The following PTK2B variants were observed in gnomAD, a reference collection of about 807,000 sequenced individuals.
PTK2B encodes the protein protein tyrosine kinase 2 beta.
Under a neutral mutation model 142.9 loss-of-function variants are expected in PTK2B, and 71 were observed. That is an observed-to-expected ratio of 0.50 (90% CI 0.41 to 0.61). The LOEUF (loss-of-function observed/expected upper bound fraction) is 0.61, where lower values mean the gene tolerates loss of function less well. Among genes scored for constraint, PTK2B ranks in the 20% least tolerant of loss-of-function variants. The probability of loss-of-function intolerance (pLI) is 0.00; values close to 1 mark genes in which losing one functional copy is unlikely to be tolerated. For synonymous variants in PTK2B, 519 were observed against 503.4 expected (o/e 1.03, Z -0.42); for missense variants, 1,105 against 1,320.4 (o/e 0.84, Z 2.53).
upstream of PTK2B, among the ~76,000 whole-genome samples, chr8:27,321,077 C>G (rs1018247369): frequency 1.4e-5 from 2 of 139,594 alleles, no homozygotes; most frequent in African/African-American, 5.4e-5. Flanking sequence ...TCATTGCATC[C>G]TCAGTCTCCT....
intron 10 of PTK2B, among the ~76,000 whole-genome samples, chr8:27,433,137 T>C (rs1810545055): frequency 6.6e-6 from 1 of 152,202 alleles, no homozygotes; most frequent in African/African-American, 2.4e-5. Flanking sequence ...CCCTCTTCCA[T>C]TTTCTCAGTT....
rs765628061 is a variant in PTK2B at position 27,435,732 on chromosome 8, T to G, written c.1193-11T>G. On this transcript the variant is annotated splice_polypyrimidine_tract_variant and intron_variant, in intron 13 of 30. Transcript: ENST00000346049. ...TCTTGTCCACGGCTGAGCCTCTTCCTGTTGTTCCAGAGTCAGACATCTACG... is the reference window on the plus strand; with the variant it reads ...TCTTGTCCACGGCTGAGCCTCTTCCGGTTGTTCCAGAGTCAGACATCTACG... The G allele has an allele frequency of 3.9e-5, 63 of 1,613,988 alleles. No homozygotes were observed. Among genetic ancestry groups the G allele is most frequent in the Middle Eastern group, 1.6e-4 (1 of 6,084 alleles).
chr8:27,350,990 A>AATAT lies in PTK2B; in HGVS notation c.-38+25357_-38+25360dup, dbSNP rs1161548916. Among the ~76,000 whole-genome samples, 63 of 12,032 alleles carry AATAT rather than the reference A, an allele frequency of 5.2e-3. 1 individual carries two copies. The highest frequency in any genetic ancestry group is 7.6e-3 in the Non-Finnish European group (48 of 6,334). The allele number at this position is 12,032 out of a possible 152,430, so 7.9% of individuals were successfully genotyped here. A position where few individuals can be genotyped will look rare whatever the true frequency, so the allele number is the denominator to read the frequency against. On this transcript the variant is annotated intron_variant, in intron 1 of 30. Coordinates refer to ENST00000346049, the MANE Select transcript of PTK2B (RefSeq NM_173176.3). ...GTCTCCGTCTCAAAAAAAAAAAAAA[A>AATAT]ATATATATATATATATATATATATA...
intron 8 of PTK2B, 94 bp from the exon 9 acceptor site, chr8:27,431,304 G>A: frequency 6.3e-7 from 1 of 1,591,676 alleles, no homozygotes; most frequent in Non-Finnish European, 8.6e-7. Flanking sequence ...CCAGGAAACA[G>A]TGGCTTGTGT....
intron 5 of PTK2B, among the ~76,000 whole-genome samples, chr8:27,425,553 C>T (rs557159605): frequency 6.6e-6 from 1 of 152,134 alleles, no homozygotes; most frequent in Non-Finnish European, 1.5e-5. Context: ...CCCCCACTAT[C>T]AACATTCTCC....
Position 27,357,945 on chromosome 8 carries a change from G to A in PTK2B, c.-38+32264G>A, listed in dbSNP as rs1805479512. On this transcript the variant is annotated intron_variant, in intron 1 of 30. Transcript: ENST00000346049. ...TCCCCAGTCATGTGACCTCTGAAAAGTCACTTAATATCTTTGAAGCTCGGT... is the reference window on the plus strand; with the variant it reads ...TCCCCAGTCATGTGACCTCTGAAAAATCACTTAATATCTTTGAAGCTCGGT... Among the ~76,000 whole-genome samples the A allele has an allele frequency of 1.3e-5, 2 of 152,198 alleles. 1 individual carries two copies. The highest frequency in any genetic ancestry group is 1.3e-4 in the Admixed American group (2 of 15,272).
intron 24 of PTK2B, among the ~76,000 whole-genome samples, chr8:27,448,244 A>G (rs1291372565): frequency 6.6e-6 from 1 of 152,270 alleles, no homozygotes; most frequent in Non-Finnish European, 1.5e-5. Context: ...CAGGAAGGGT[A>G]CTTGTGGATG....
chr8:27,335,581 G>A (rs1406413492), intron 1 of PTK2B, among the ~76,000 whole-genome samples: 2 of 136,668 alleles, frequency 1.5e-5, no homozygotes, highest in Non-Finnish European at 3.1e-5. Flanking sequence ...GGGCAAAAGA[G>A]CAAAACACTG....
chr8:27,436,098 T>G (rs1810760038), intron 14 of PTK2B, among the ~76,000 whole-genome samples, 153 bp from the exon 15 acceptor site: 1 of 152,102 alleles, frequency 6.6e-6, no homozygotes, highest in Non-Finnish European at 1.5e-5. Flanking sequence ...CAGTGGAACA[T>G]TCTAGACCCC....
At chr8:27,368,855 G>C (rs573379274) in intron 1 of PTK2B, among the ~76,000 whole-genome samples, 2 of 152,246 alleles carry the variant, frequency 1.3e-5, no homozygotes, top group South Asian at 2.1e-4. Flanking sequence ...GGGCCCCGGA[G>C]ACCCTGGAAA....
chr8:27,387,621 G>T (rs1586212649), intron 1 of PTK2B, among the ~76,000 whole-genome samples: 1 of 152,174 alleles, frequency 6.6e-6, no homozygotes, highest in South Asian at 2.1e-4. Flanking sequence ...TCACTGCTGA[G>T]GTGGGATCGT....
At chr8:27,438,885 C>T (rs1810970248) in intron 18 of PTK2B, 146 bp from the exon 19 acceptor site, 1 of 728,268 alleles carries the variant, frequency 1.4e-6, no homozygotes, top group Admixed American at 2.4e-5. Flanking sequence ...GGGCAGTGAC[C>T]CACAGAAGCT....
intron 1 of PTK2B, among the ~76,000 whole-genome samples, chr8:27,384,534 T>G (rs1408199118): frequency 2.6e-5 from 4 of 152,234 alleles, no homozygotes; most frequent in Admixed American, 6.5e-5. Context: ...CTAATTGCAC[T>G]GATTAGGGCT....
chr8:27,374,923 G>C (rs1173318296), intron 1 of PTK2B, among the ~76,000 whole-genome samples: 12 of 152,206 alleles, frequency 7.9e-5, no homozygotes, highest in African/African-American at 2.4e-5. Context: ...TTTCAGCCTT[G>C]AGATGCTGTA....
At chr8:27,418,754 G>A (rs960663242) in intron 2 of PTK2B, among the ~76,000 whole-genome samples, 9 of 152,134 alleles carry the variant, frequency 5.9e-5, no homozygotes, top group South Asian at 4.2e-4. Flanking sequence ...AAGTCCGGGC[G>A]CGGTGGCTCA....
intron 2 of PTK2B, among the ~76,000 whole-genome samples, chr8:27,399,380 A>C (rs1808245119): frequency 6.6e-6 from 1 of 152,256 alleles, no homozygotes; most frequent in South Asian, 2.1e-4. Flanking sequence ...GCCTCTGAAC[A>C]GTAAGTAGTT....
Position 27,439,281 on chromosome 8 carries a change from A to G in PTK2B, c.1745-28A>G, listed in dbSNP as rs762155150. The G allele has an allele frequency of 1.9e-6, 3 of 1,590,792 alleles. No homozygotes were observed. In the Admixed American group the frequency reaches 5.0e-5, roughly 27 times the overall value. On this transcript the variant is annotated intron_variant, in intron 19 of 30. Transcript: ENST00000346049. ...TGGATAATTCTGATCTTTCTTCCCT[A>G]AAAATCAACCTCTTTGCCCACCCAA...
At chr8:27,368,050 C>T (rs534928416) in intron 1 of PTK2B, among the ~76,000 whole-genome samples, 19 of 152,370 alleles carry the variant, frequency 1.2e-4, no homozygotes, top group African/African-American at 4.1e-4. Flanking sequence ...GGCTGGCCTG[C>T]TTTGGGGATG....
At chr8:27,411,207 G>A (rs1445887875) in intron 2 of PTK2B, among the ~76,000 whole-genome samples, 2 of 152,140 alleles carry the variant, frequency 1.3e-5, no homozygotes, top group African/African-American at 4.8e-5. Context: ...AGGGAGCTCT[G>A]GGTGGAGTGC....
Sources: allele counts gnomAD v4.1 joint callset (sites outside exome capture counted in the v4.1 genomes callset), GRCh38; gene constraint gnomAD v4.1.1; transcripts MANE v1.5; gene names NCBI Gene and HGNC (gene_info 2026-07-23, HGNC 2026-07-21).